The following CDH7 variants were observed in gnomAD, a reference collection of about 807,000 sequenced individuals.
The protein encoded by CDH7 is cadherin 7.
CDH7 carries 25 observed loss-of-function variants against 71.8 expected under a neutral mutation model. The ratio of observed to expected loss-of-function variants is 0.35; its 90% CI spans 0.25 to 0.49. The LOEUF is 0.49. Ranked by LOEUF, CDH7 falls within the 20% of genes least tolerant of loss-of-function variation. The probability of loss-of-function intolerance (pLI) is 0.99; values close to 1 mark genes in which losing one functional copy is unlikely to be tolerated. For synonymous variants in CDH7, 381 were observed against 363.8 expected (o/e 1.05, Z -0.54); for missense variants, 862 against 974.6 (o/e 0.88, Z 1.54).
intron 2 of CDH7, among the ~76,000 whole-genome samples, chr18:65,776,798 G>C (rs535655620): frequency 2.6e-5 from 4 of 152,026 alleles, no homozygotes; most frequent in Non-Finnish European, 5.9e-5. Flanking sequence ...TTCCACAAGT[G>C]GTAGCATTTA....
chr18:65,862,594 G>T, intron 10 of CDH7, 72 bp from the exon 11 acceptor site: 1 of 1,456,064 alleles, frequency 6.9e-7, no homozygotes, highest in South Asian at 1.3e-5. Context: ...TAAATAGAGT[G>T]ACTTAAATAA....
chr18:65,876,040 C>A (rs369758482), intron 11 of CDH7, among the ~76,000 whole-genome samples: 12 of 152,274 alleles, frequency 7.9e-5, no homozygotes, highest in African/African-American at 2.6e-4. Flanking sequence ...TAATTTTATT[C>A]TTGTAATTCT....
chr18:65,813,486 A>C (rs1029125651), intron 3 of CDH7, among the ~76,000 whole-genome samples: 1 of 152,184 alleles, frequency 6.6e-6, no homozygotes, highest in Non-Finnish European at 1.5e-5. Flanking sequence ...ATGGGCATTA[A>C]TGACTTGCTT....
chr18:65,843,139 A>G (rs1912798084), intron 6 of CDH7, among the ~76,000 whole-genome samples: 1 of 152,168 alleles, frequency 6.6e-6, no homozygotes, highest in South Asian at 2.1e-4. Context: ...AATTTTTGGG[A>G]AAATTGTAGC....
intron 2 of CDH7, among the ~76,000 whole-genome samples, chr18:65,791,247 T>C (rs1330079144): frequency 6.6e-6 from 1 of 152,234 alleles, no homozygotes; most frequent in African/African-American, 2.4e-5. Context: ...TGTTTGTGTA[T>C]GTTACAATGT....
intron 5 of CDH7, among the ~76,000 whole-genome samples, chr18:65,822,544 A>G (rs2143938408): frequency 8.4e-6 from 1 of 118,808 alleles, no homozygotes; most frequent in South Asian, 3.2e-4. Context: ...TTTATGTATT[A>G]GTCTTTTTTC....
chr18:65,838,499 A>G (rs1330619711), intron 6 of CDH7, among the ~76,000 whole-genome samples: 1 of 152,224 alleles, frequency 6.6e-6, no homozygotes, highest in African/African-American at 2.4e-5. Context: ...GCACATATAC[A>G]CATACACTAT....
At chr18:65,859,440 G>A (rs532276541) in intron 9 of CDH7, among the ~76,000 whole-genome samples, 3 of 152,280 alleles carry the variant, frequency 2.0e-5, no homozygotes, top group South Asian at 4.1e-4. Context: ...TCAGTGTCTT[G>A]TGATGTTTCC....
At chr18:65,874,108 T>C (rs1377367733) in intron 11 of CDH7, among the ~76,000 whole-genome samples, 1 of 152,212 alleles carries the variant, frequency 6.6e-6, no homozygotes, top group Non-Finnish European at 1.5e-5. Flanking sequence ...CTGCCCTTCA[T>C]ATGGCTTACA....
At chr18:65,848,726 G>A (rs1206806765) in intron 7 of CDH7, among the ~76,000 whole-genome samples, 1 of 152,110 alleles carries the variant, frequency 6.6e-6, no homozygotes, top group African/African-American at 2.4e-5. Flanking sequence ...AATAAGATCA[G>A]ATATGAAGAC....
chr18:65,849,713 C>A (rs938003102), intron 7 of CDH7, among the ~76,000 whole-genome samples: 2 of 151,862 alleles, frequency 1.3e-5, no homozygotes, highest in Non-Finnish European at 2.9e-5. Context: ...ACCCCCGGCC[C>A]ATTTTTTCAT....
chr18:65,822,690 A>G (rs1027722462), intron 5 of CDH7, among the ~76,000 whole-genome samples: 6 of 151,968 alleles, frequency 3.9e-5, no homozygotes, highest in Non-Finnish European at 8.8e-5. Context: ...AAATGTTTTC[A>G]TTTTATCATT....
Position 65,883,395 on chromosome 18 carries a change from T to A in CDH7, c.*2501T>A, listed in dbSNP as rs1384748816. The A allele has an allele frequency of 6.6e-6, 1 of 152,048 alleles. No individual in the cohort carries two copies. The highest frequency in any genetic ancestry group is 1.5e-5 in the Non-Finnish European group (1 of 67,944). 9.4% of individuals were successfully genotyped at this position (152,048 alleles called of 1,614,324 possible). A position where few individuals can be genotyped will look rare whatever the true frequency, so the allele number is the denominator to read the frequency against. The stretch of plus-strand genomic sequence containing the variant: ...TTCTTCTGAAATCTAATGCTATATA[T>A]GATGACTGTCAATACTTGAGATATA... On this transcript the variant is annotated 3_prime_UTR_variant, in exon 12 of 12. Coordinates refer to ENST00000397968, the MANE Select transcript of CDH7 (RefSeq NM_004361.5).
chr18:65,762,744 C>A lies in CDH7; in HGVS notation c.-99C>A, dbSNP rs1598985650. On this transcript the variant is annotated 5_prime_UTR_variant, in exon 2 of 12. Coordinates refer to ENST00000397968, the MANE Select transcript of CDH7 (RefSeq NM_004361.5). ...TTATTATCTCTGGACTCCCAGCTGACACCCTGCCGGAGGCAAGAGCTACTA... is the reference window on the plus strand; with the variant it reads ...TTATTATCTCTGGACTCCCAGCTGAAACCCTGCCGGAGGCAAGAGCTACTA... The A allele has an allele frequency of 1.1e-6, 1 of 907,094 alleles. No individual in the cohort carries two copies. Among genetic ancestry groups the A allele is most frequent in the East Asian group, 2.6e-5 (1 of 38,134 alleles). 56.2% of individuals were successfully genotyped at this position (907,094 alleles called of 1,614,324 possible).
chr18:65,784,127 T>G (rs1175982133), intron 2 of CDH7, among the ~76,000 whole-genome samples: 1 of 149,902 alleles, frequency 6.7e-6, no homozygotes, highest in African/African-American at 2.5e-5. Context: ...TTTTTTTTTT[T>G]TTTTTGTAGA....
rs1433827492 is a variant in CDH7 at position 65,762,803 on chromosome 18, G to T, written c.-40G>T. 2 of 1,570,028 alleles carry T rather than the reference G, an allele frequency of 1.3e-6. No homozygotes were observed. Among genetic ancestry groups the T allele is most frequent in the South Asian group, 2.3e-5 (2 of 86,598 alleles). ...GGAACTGTGCCTTTTCTCTTGTCAA[G>T]GTTTTTTTCTTACACAGGAAAAAGA... On this transcript the variant is annotated 5_prime_UTR_variant, in exon 2 of 12. It adds an upstream start codon to the 5' untranslated region. Transcript: ENST00000397968.
At chr18:65,830,080 T>A (rs1912283122) in intron 6 of CDH7, among the ~76,000 whole-genome samples, 1 of 152,112 alleles carries the variant, frequency 6.6e-6, no homozygotes, top group Non-Finnish European at 1.5e-5. Context: ...CAAGAGAAAG[T>A]GGCACAGAGG....
intron 2 of CDH7, among the ~76,000 whole-genome samples, chr18:65,773,009 A>T (rs57956549): frequency 0.078 from 11,864 of 152,092 alleles, 1,460 homozygotes; most frequent in African/African-American, 0.26. Flanking sequence ...TTTATGTTTA[A>T]TTTCTCTGTT....
At chr18:65,863,008 T>C (rs1230126109) in intron 11 of CDH7, 91 bp downstream of exon 11, 1 of 1,339,968 alleles carries the variant, frequency 7.5e-7, no homozygotes, top group Non-Finnish European at 1.0e-6. Flanking sequence ...TTGGTGAACA[T>C]ATGCAGATAT....
Sources: gnomAD v4.1 joint callset for allele counts (sites outside exome capture counted in the v4.1 genomes callset) on GRCh38, gnomAD v4.1.1 for gene constraint, MANE v1.5 for transcripts, NCBI Gene and HGNC (gene_info 2026-07-23, HGNC 2026-07-21) for gene names.